BMP8A: variants seen among roughly 807,000 people sequenced by gnomAD.
The protein encoded by BMP8A is BMP-8A.
Under a neutral mutation model 36.8 loss-of-function variants are expected in BMP8A, and 14 were observed. The ratio of observed to expected loss-of-function variants is 0.38; its 90% confidence interval spans 0.25 to 0.60. The LOEUF (loss-of-function observed/expected upper bound fraction) is 0.60. Ranked by LOEUF, BMP8A falls within the 20% of genes least tolerant of loss-of-function variation. BMP8A has a pLI of 0.63. For missense variants in BMP8A, 267 were observed against 551.1 expected (o/e 0.48, Z 5.16); for synonymous variants, 120 against 237.7 (o/e 0.50, Z 4.55).
chr1:39,528,850 G>A lies in BMP8A; in HGVS notation c.*3052G>A, dbSNP rs890250698. On this transcript the variant is annotated 3_prime_UTR_variant, in exon 7 of 7. Coordinates refer to ENST00000331593, the MANE Select transcript of BMP8A (RefSeq NM_181809.4). ...CGAGTTGCTGGGATGACAGGCACAC[G>A]CCACCATACCCAGCTAATTTTTAAA... is the stretch of plus-strand genomic sequence containing the variant. Among the ~76,000 whole-genome samples, 5 of 151,998 alleles carry A rather than the reference G, an allele frequency of 3.3e-5. No homozygotes were observed. The highest frequency in any genetic ancestry group is 6.6e-5 in the Admixed American group (1 of 15,260).
intron 1 of BMP8A, 101 bp downstream of exon 1, chr1:39,492,426 A>G (rs944925263): frequency 7.3e-7 from 1 of 1,373,598 alleles, no homozygotes; most frequent in African/African-American, 1.5e-5. Flanking sequence ...ACGGGGAATC[A>G]CAGACGGTGG....
At chr1:39,522,043 C>T (rs1181158426) in intron 4 of BMP8A, among the ~76,000 whole-genome samples, 4 of 97,550 alleles carry the variant, frequency 4.1e-5, no homozygotes, top group Middle Eastern at 8.0e-3. Context: ...ACTTGAACCT[C>T]GGGAATGGGT....
Position 39,527,085 on chromosome 1 carries a change from TG to T in BMP8A, c.*1288del, listed in dbSNP as rs1645490514. Among the ~76,000 whole-genome samples, 1 of 152,188 alleles carries T rather than the reference TG, an allele frequency of 6.6e-6. No individual in the cohort carries two copies. Among genetic ancestry groups the T allele is most frequent in the Non-Finnish European group, 1.5e-5 (1 of 68,020 alleles). On this transcript the variant is annotated 3_prime_UTR_variant, in exon 7 of 7. Transcript: ENST00000331593. The stretch of plus-strand genomic sequence containing the variant: ...CCAGGCATGGGGCAAGGGTGGGGAC[TG>T]CCAGTGTTTGCTTGTGTCTAGGAGT...
intron 1 of BMP8A, among the ~76,000 whole-genome samples, chr1:39,495,171 C>T (rs1211332469): frequency 1.3e-5 from 2 of 152,218 alleles, no homozygotes; most frequent in Admixed American, 6.5e-5. Flanking sequence ...CTGCTTCTGC[C>T]AGCTCCACCT....
At chr1:39,493,966 A>C (rs1645183317) in intron 1 of BMP8A, among the ~76,000 whole-genome samples, 1 of 152,240 alleles carries the variant, frequency 6.6e-6, no homozygotes, top group African/African-American at 2.4e-5. Flanking sequence ...TGTTGCTGTG[A>C]ATTGGGCAGG....
rs1276103665 is a variant in BMP8A, at chr1:39,529,456, G to A, written c.*3658G>A. 5.3e-5 allele frequency among the ~76,000 whole-genome samples: 8 copies of A among 152,350 alleles called. No homozygotes were observed. The highest frequency in any genetic ancestry group is 1.9e-4 in the East Asian group (1 of 5,184). On this transcript the variant is annotated 3_prime_UTR_variant, in exon 7 of 7. Coordinates refer to ENST00000331593, the MANE Select transcript of BMP8A (RefSeq NM_181809.4). ...AGGTGTGCGGCCCTGCCCTGGCCCC[G>A]TAGTGAGTGTGGGGCCCACCTGTGC...
At chr1:39,508,981 G>A (rs1645326969) in intron 1 of BMP8A, among the ~76,000 whole-genome samples, 1 of 152,204 alleles carries the variant, frequency 6.6e-6, no homozygotes, top group Non-Finnish European at 1.5e-5. Context: ...TCTTGAGTCA[G>A]CCTGGGTAGA....
intron 3 of BMP8A, chr1:39,515,598 G>A (rs1645388993): frequency 3.9e-6 from 6 of 1,522,408 alleles, no homozygotes; most frequent in South Asian, 2.3e-5. Context: ...AGGGTGGAAG[G>A]CCGACCGGGC....
In BMP8A at chr1:39,529,571, C is replaced by G. The variant is rs116538608; in HGVS notation, c.*3773C>G. 0.018 allele frequency among the ~76,000 whole-genome samples: 2,785 copies of G among 152,310 alleles called. 33 individuals are homozygous for G. The highest frequency in any genetic ancestry group is 0.029 in the Non-Finnish European group (1,954 of 68,022). On this transcript the variant is annotated 3_prime_UTR_variant, in exon 7 of 7. Coordinates refer to ENST00000331593, the MANE Select transcript of BMP8A (RefSeq NM_181809.4). ...GCAAACAGTTGCCGCTCTCCACCCC[C>G]TGCTTTTTAAAAAAAATTTTTTCTC...
chr1:39,527,018 G>A lies in BMP8A; in HGVS notation c.*1220G>A, dbSNP rs1311387102. Among the ~76,000 whole-genome samples, 2 of 152,200 alleles carry A rather than the reference G, an allele frequency of 1.3e-5. No homozygotes were observed. The highest frequency in any genetic ancestry group is 2.9e-5 in the Non-Finnish European group (2 of 68,044). On this transcript the variant is annotated 3_prime_UTR_variant, in exon 7 of 7. Transcript: ENST00000331593. ...GTTCCCCCTCCTGCCCCACTGCAGA[G>A]CAATCCATTCCATCCAAAGCAGGGT...
intron 1 of BMP8A, among the ~76,000 whole-genome samples, chr1:39,502,253 A>G (rs1217629754): frequency 7.4e-6 from 1 of 134,288 alleles, no homozygotes; most frequent in South Asian, 2.4e-4. Flanking sequence ...AAAAAAAAAG[A>G]AAAGGAAACC....
At chr1:39,523,267 C>T (rs189555601) in intron 6 of BMP8A, 150 bp downstream of exon 6, 1 of 976,734 alleles carries the variant, frequency 1.0e-6, no homozygotes. Flanking sequence ...GCTAACTTCC[C>T]ACAGCTCTGC....
At chr1:39,498,839 G>C (rs1465948563) in intron 1 of BMP8A, among the ~76,000 whole-genome samples, 2 of 152,066 alleles carry the variant, frequency 1.3e-5, no homozygotes, top group African/African-American at 4.8e-5. Flanking sequence ...GCCGGGAGAG[G>C]AGGCAGGTCC....
At chr1:39,525,611 T>A in intron 6 of BMP8A, 38 bp from the exon 7 acceptor site, 1 of 1,609,780 alleles carries the variant, frequency 6.2e-7, no homozygotes, top group South Asian at 1.1e-5. Flanking sequence ...AGGAGGCCAC[T>A]GGCCTCATGC....
intron 3 of BMP8A, among the ~76,000 whole-genome samples, chr1:39,517,892 G>C (rs1467546692): frequency 1.3e-5 from 2 of 152,264 alleles, no homozygotes; most frequent in Non-Finnish European, 2.9e-5. Context: ...TAGGACAGGA[G>C]GAGTTCTAGA....
chr1:39,522,629 A>C, intron 5 of BMP8A, 147 bp downstream of exon 5: 3 of 1,256,128 alleles, frequency 2.4e-6, no homozygotes, highest in Non-Finnish European at 3.3e-6. Flanking sequence ...TAAAGTGAGA[A>C]TATGGTGAGA....
rs140621133 is a variant in BMP8A at position 39,525,744 on chromosome 1, C to T, written c.1155C>T (p.Asn385=). The change falls in exon 7 of 7, where the codon AAC becomes AAT. Residue 385 remains asparagine, a synonymous_variant. Transcript: ENST00000331593. ...TSVLYYDSSN[N]VILRKHRNMV... ...TGCTCTACTATGACAGCAGCAACAA[C>T]GTCATCCTGCGCAAGCACCGCAACA... 9.5e-4 allele frequency: 1,531 copies of T among 1,614,220 alleles called. 2 individuals are homozygous for T. Among genetic ancestry groups the T allele is most frequent in the Middle Eastern group, 4.0e-3 (24 of 6,062 alleles).
chr1:39,504,641 A>G (rs1645284306), intron 1 of BMP8A, among the ~76,000 whole-genome samples: 1 of 152,278 alleles, frequency 6.6e-6, no homozygotes, highest in Non-Finnish European at 1.5e-5. Flanking sequence ...GTATTTCTCG[A>G]AAGGTGGAGA....
chr1:39,523,461 G>T (rs374084532), intron 6 of BMP8A: 1 of 1,244,460 alleles, frequency 8.0e-7, no homozygotes, highest in Middle Eastern at 2.9e-4. Flanking sequence ...CTGTGTGGGG[G>T]CTGTGTGATC....
Sources: gnomAD v4.1 joint callset for allele counts (sites outside exome capture counted in the v4.1 genomes callset) on GRCh38, gnomAD v4.1.1 for gene constraint, MANE v1.5 for transcripts, NCBI Gene and HGNC (gene_info 2026-07-23, HGNC 2026-07-21) for gene names.